ARHGAP42: variants seen among roughly 807,000 people sequenced by gnomAD.
The protein encoded by ARHGAP42 is rho GTPase-activating protein 42.
ARHGAP42 carries 63 observed loss-of-function variants against 125.0 expected under a neutral mutation model. That is an observed-to-expected ratio of 0.50 (90% CI 0.41 to 0.62). The LOEUF (loss-of-function observed/expected upper bound fraction) is 0.62, where lower values mean the gene tolerates loss of function less well. Ranked by LOEUF, ARHGAP42 falls within the 20% of genes least tolerant of loss-of-function variation. ARHGAP42 has a pLI of 0.00. For synonymous variants in ARHGAP42, 339 were observed against 351.0 expected, an observed-to-expected ratio of 0.97 and a Z score of 0.38; for missense variants, 766 against 1,024.2, an observed-to-expected ratio of 0.75 and a Z score of 3.44.
At chr11:100,724,691 AT>A (rs56747756) in intron 1 of ARHGAP42, among the ~76,000 whole-genome samples, 81,220 of 149,458 alleles carry the variant, frequency 0.54, 22,258 homozygotes, top group African/African-American at 0.67. Flanking sequence ...GGTCTTTACT[AT>A]TTTTTTTTTC....
chr11:100,852,831 A>G (rs1865237206), intron 3 of ARHGAP42, among the ~76,000 whole-genome samples: 1 of 152,208 alleles, frequency 6.6e-6, no homozygotes, highest in African/African-American at 2.4e-5. Flanking sequence ...TTGTGCCACC[A>G]GAGGTACAAA....
At chr11:100,834,503 G>A (rs955051296) in intron 3 of ARHGAP42, among the ~76,000 whole-genome samples, 1 of 152,044 alleles carries the variant, frequency 6.6e-6, no homozygotes, top group East Asian at 1.9e-4. Context: ...ATCATACCTG[G>A]GAGGACACAA....
At chr11:100,698,457 C>T (rs1180900578) in intron 1 of ARHGAP42, among the ~76,000 whole-genome samples, 5 of 152,076 alleles carry the variant, frequency 3.3e-5, no homozygotes. Context: ...GGCCACAGAG[C>T]GAGACCCTGT....
rs377353490 is a variant in ARHGAP42, at chr11:100,946,006, A to G, written c.1043+2138A>G. Among the ~76,000 whole-genome samples the G allele has an allele frequency of 2.6e-5, 4 of 152,238 alleles. No homozygotes were observed. In the South Asian group the frequency reaches 8.3e-4, roughly 32 times the overall value. ...CATCTACATTGAAAATCTGTTGTTT[A>G]CTGTAGCCACCTTCATCCATGATTG... On this transcript the variant is annotated intron_variant, in intron 10 of 23. Coordinates refer to ENST00000298815, the MANE Select transcript of ARHGAP42 (RefSeq NM_152432.4).
intron 4 of ARHGAP42, among the ~76,000 whole-genome samples, chr11:100,907,928 T>C (rs1337232725): frequency 6.6e-6 from 1 of 152,204 alleles, no homozygotes; most frequent in Non-Finnish European, 1.5e-5. Flanking sequence ...GAAGGATTTC[T>C]CAAAGTAGTG....
chr11:100,941,677 G>A (rs1867889262), intron 8 of ARHGAP42, 107 bp from the exon 9 acceptor site: 8 of 635,514 alleles, frequency 1.3e-5, no homozygotes, highest in African/African-American at 3.8e-5. Flanking sequence ...AACTAGCATG[G>A]TATAGGAGAG....
intron 16 of ARHGAP42, among the ~76,000 whole-genome samples, chr11:100,965,470 T>C (rs1565298084): frequency 6.6e-6 from 1 of 152,166 alleles, no homozygotes; most frequent in Non-Finnish European, 1.5e-5. Flanking sequence ...TTCTTTGGCT[T>C]CTCTACTTCC....
chr11:100,882,692 G>A (rs746021197), intron 4 of ARHGAP42, among the ~76,000 whole-genome samples: 3 of 151,960 alleles, frequency 2.0e-5, no homozygotes, highest in Non-Finnish European at 2.9e-5. Flanking sequence ...TTCTTTGAAT[G>A]CCTGATCGAA....
intron 1 of ARHGAP42, among the ~76,000 whole-genome samples, chr11:100,697,143 T>G (rs1233516634): frequency 6.6e-6 from 1 of 152,044 alleles, no homozygotes; most frequent in African/African-American, 2.4e-5. Flanking sequence ...AAGTTAGGCA[T>G]GGTCATCAGT....
intron 4 of ARHGAP42, among the ~76,000 whole-genome samples, chr11:100,866,277 G>C (rs1021307198): frequency 6.6e-6 from 1 of 152,134 alleles, no homozygotes; most frequent in African/African-American, 2.4e-5. Flanking sequence ...CACATTTGCA[G>C]GAAGTTCCTC....
intron 1 of ARHGAP42, among the ~76,000 whole-genome samples, chr11:100,740,289 G>GT (rs56839478): frequency 6.6e-6 from 1 of 151,680 alleles, no homozygotes; most frequent in African/African-American, 2.4e-5. Flanking sequence ...GATACCCTCA[G>GT]TTTTTTTTCC....
chr11:100,975,987 A>C (rs1257708204), intron 19 of ARHGAP42, 70 bp from the exon 20 acceptor site: 2 of 1,433,372 alleles, frequency 1.4e-6, no homozygotes, highest in East Asian at 5.0e-5. Flanking sequence ...GGAGAACAGA[A>C]GGGTTTTGGT....
intron 12 of ARHGAP42, among the ~76,000 whole-genome samples, chr11:100,953,781 A>G (rs1173498427): frequency 1.1e-5 from 1 of 87,838 alleles, no homozygotes; most frequent in Non-Finnish European, 2.4e-5. Flanking sequence ...GAATTTACAA[A>G]TACTTTTCTG....
At chr11:100,969,609 T>C (rs1206190522) in intron 17 of ARHGAP42, among the ~76,000 whole-genome samples, 1 of 152,148 alleles carries the variant, frequency 6.6e-6, no homozygotes, top group East Asian at 1.9e-4. Flanking sequence ...TCAGCTATTG[T>C]GCTTTTCAAC....
intron 12 of ARHGAP42, among the ~76,000 whole-genome samples, chr11:100,951,988 A>G (rs1158753715): frequency 6.6e-6 from 1 of 152,186 alleles, no homozygotes; most frequent in Non-Finnish European, 1.5e-5. Flanking sequence ...TAGTACCAGT[A>G]GGCTTTTATT....
chr11:100,744,553 T>TGC (rs1862256460), intron 1 of ARHGAP42, among the ~76,000 whole-genome samples: 1 of 123,952 alleles, frequency 8.1e-6, no homozygotes, highest in Non-Finnish European at 1.7e-5. Context: ...TGTGTGTGTG[T>TGC]GTGTGTGTGT....
chr11:100,875,097 CTCTCTCTCTCTGTGTGTGTG>C (rs1865783255), intron 4 of ARHGAP42, among the ~76,000 whole-genome samples: 2 of 95,110 alleles, frequency 2.1e-5, no homozygotes, highest in Admixed American at 1.2e-4. Flanking sequence ...CTCTCTCTCT[CTCTCTCTCTCTGTGTGTGTG>C]TGTGTGTGTG....
intron 3 of ARHGAP42, among the ~76,000 whole-genome samples, chr11:100,845,219 G>T (rs969930814): frequency 7.9e-5 from 12 of 152,186 alleles, no homozygotes; most frequent in Middle Eastern, 3.4e-3. Context: ...TGAGATTGGA[G>T]ACTATTATTC....
At chr11:100,873,822 A>T (rs1187080041) in intron 4 of ARHGAP42, among the ~76,000 whole-genome samples, 1 of 152,190 alleles carries the variant, frequency 6.6e-6, no homozygotes, top group Admixed American at 6.5e-5. Flanking sequence ...CTACCAGAGC[A>T]GGGATTGAAC....
Sources: gnomAD v4.1 joint callset for allele counts (sites outside exome capture counted in the v4.1 genomes callset) on GRCh38, gnomAD v4.1.1 for gene constraint, MANE v1.5 for transcripts, NCBI Gene and HGNC (gene_info 2026-07-23, HGNC 2026-07-21) for gene names.